Variants in ADGRG2 observed in about 807,000 individuals in gnomAD.
The protein encoded by ADGRG2 is G protein-coupled receptor 64.
In ADGRG2, 26 loss-of-function variants were observed where a neutral mutation model predicts 74.1. The observed-to-expected ratio is 0.35, with a 90% confidence interval of 0.26 to 0.49. ADGRG2 has a LOEUF of 0.49. Among genes scored for constraint, ADGRG2 ranks in the 20% least tolerant of loss-of-function variants. The pLI, the probability that ADGRG2 is intolerant of heterozygous loss-of-function variation, is 0.99. For synonymous variants in ADGRG2, 296 were observed against 295.2 expected (o/e 1.00, Z -0.03); for missense variants, 619 against 763.1 (o/e 0.81, Z 2.22).
intron 3 of ADGRG2, 94 bp from the exon 4 acceptor site, chrX:19,040,318 G>A: frequency 1.8e-6 from 1 of 552,749 alleles, no homozygotes; most frequent in African/African-American, 2.3e-5. Flanking sequence ...AAATAAGTAG[G>A]TTTCAGCTAC....
At chrX:19,011,292 A>G (rs1169608163) in intron 16 of ADGRG2, among the ~76,000 whole-genome samples, 1 of 111,480 alleles carries the variant, frequency 9.0e-6, no homozygotes, top group Non-Finnish European at 1.9e-5. Context: ...GTAGTGGGAA[A>G]CTTATGTATC....
At chrX:19,031,079 C>A (rs1456506928) in intron 8 of ADGRG2, 42 bp from the exon 9 acceptor site, 4 of 963,795 alleles carry the variant, frequency 4.2e-6, no homozygotes, top group Non-Finnish European at 6.0e-6. Context: ...CATGTCAATG[C>A]CCGTGTTTAT....
chrX:19,012,973 C>T (rs1420838065), intron 16 of ADGRG2, among the ~76,000 whole-genome samples: 3 of 111,612 alleles, frequency 2.7e-5, no homozygotes, highest in East Asian at 5.6e-4. Context: ...AGCATTCTCA[C>T]GTACACCTTC....
At chrX:19,119,916 ATAGT>A (rs1324630378) in intron 1 of ADGRG2, among the ~76,000 whole-genome samples, 1 of 112,103 alleles carries the variant, frequency 8.9e-6, no homozygotes, top group Non-Finnish European at 1.9e-5. Flanking sequence ...AATCATATCC[ATAGT>A]TAGAGTACAA....
intron 16 of ADGRG2, among the ~76,000 whole-genome samples, chrX:19,012,547 C>T (rs1488966702): frequency 1.9e-5 from 2 of 105,274 alleles, no homozygotes; most frequent in Non-Finnish European, 3.9e-5. Flanking sequence ...AATCCCAACG[C>T]TTTGGGAGGT....
chrX:19,052,134 G>A (rs1367574961), intron 3 of ADGRG2, among the ~76,000 whole-genome samples: 1 of 111,759 alleles, frequency 8.9e-6, no homozygotes, highest in Non-Finnish European at 1.9e-5. Flanking sequence ...TTCACAGATG[G>A]AGAGTTTAAT....
intron 1 of ADGRG2, among the ~76,000 whole-genome samples, chrX:19,099,061 G>C (rs1397010309): frequency 8.9e-6 from 1 of 111,844 alleles, no homozygotes; most frequent in Non-Finnish European, 1.9e-5. Flanking sequence ...GCAGGCGCCT[G>C]TAATCCCAGC....
chrX:19,119,149 T>C (rs1349341886), intron 1 of ADGRG2, among the ~76,000 whole-genome samples: 1 of 112,114 alleles, frequency 8.9e-6, no homozygotes. Flanking sequence ...TCAAAACTTC[T>C]AGAACTGTAC....
chrX:19,034,028 G>A, intron 7 of ADGRG2: 1 of 112,041 alleles, frequency 8.9e-6, no homozygotes, highest in Non-Finnish European at 1.8e-5. Context: ...TGTAAAAACA[G>A]GTAATTCAGA....
At chrX:19,053,541 C>T (rs2146835539) in intron 3 of ADGRG2, among the ~76,000 whole-genome samples, 1 of 111,921 alleles carries the variant, frequency 8.9e-6, no homozygotes, top group Admixed American at 9.5e-5. Flanking sequence ...CCTGGCTCTG[C>T]CATTTGCTAA....
chrX:19,021,759 T>C (rs995385772), intron 13 of ADGRG2, among the ~76,000 whole-genome samples: 9 of 110,652 alleles, frequency 8.1e-5, no homozygotes, highest in Non-Finnish European at 1.3e-4. Context: ...GCGATTCTCC[T>C]CCCTCAGCCT....
chrX:19,020,374 C>T (rs1180456418), intron 14 of ADGRG2, among the ~76,000 whole-genome samples: 1 of 111,649 alleles, frequency 9.0e-6, no homozygotes, highest in Non-Finnish European at 1.9e-5. Flanking sequence ...GGACATATCC[C>T]AGTAGCAATC....
chrX:18,995,197 CAT>C (rs1433429378), intron 27 of ADGRG2, 149 bp from the exon 28 acceptor site: 3 of 408,467 alleles, frequency 7.3e-6, no homozygotes, highest in Non-Finnish European at 1.3e-5. Context: ...GGTGTGATAA[CAT>C]GTATTTTCAT....
intron 15 of ADGRG2, among the ~76,000 whole-genome samples, chrX:19,017,450 C>G (rs1438415716): frequency 9.0e-6 from 1 of 111,646 alleles, no homozygotes; most frequent in East Asian, 2.8e-4. Flanking sequence ...CCTGTTTCTT[C>G]TTCTTAACCA....
At chrX:19,041,006 AC>A (rs2061049365) in intron 3 of ADGRG2, among the ~76,000 whole-genome samples, 1 of 111,229 alleles carries the variant, frequency 9.0e-6, no homozygotes, top group Non-Finnish European at 1.9e-5. Flanking sequence ...TTACATATAT[AC>A]AGATACATGC....
intron 2 of ADGRG2, among the ~76,000 whole-genome samples, chrX:19,073,372 G>A (rs192620255): frequency 5.9e-4 from 66 of 111,271 alleles, no homozygotes; most frequent in Non-Finnish European, 1.1e-3. Flanking sequence ...AAAACTATTT[G>A]GTAGCATTTA....
At chrX:19,053,659 A>G (rs2061363967) in intron 3 of ADGRG2, among the ~76,000 whole-genome samples, 1 of 112,622 alleles carries the variant, frequency 8.9e-6, no homozygotes. Context: ...TACTACTGTT[A>G]AAGTATTGAG....
At chrX:19,120,113 G>A (rs1296220025) in intron 1 of ADGRG2, among the ~76,000 whole-genome samples, 1 of 111,453 alleles carries the variant, frequency 9.0e-6, no homozygotes, top group Non-Finnish European at 1.9e-5. Context: ...ACCTTGCAGA[G>A]ATGTGGGAGT....
chrX:19,080,752 G>A (rs1680176506), intron 2 of ADGRG2, among the ~76,000 whole-genome samples: 1 of 110,197 alleles, frequency 9.1e-6, no homozygotes, highest in Admixed American at 9.7e-5. Flanking sequence ...CTGGAGTGCA[G>A]TGGTACAATC....
Sources: gnomAD v4.1 joint callset for allele counts (sites outside exome capture counted in the v4.1 genomes callset) on GRCh38, gnomAD v4.1.1 for gene constraint, MANE v1.5 for transcripts, NCBI Gene and HGNC (gene_info 2026-07-23, HGNC 2026-07-21) for gene names.